The following ESF1 variants were observed in gnomAD, a reference collection of about 807,000 sequenced individuals.
The protein encoded by ESF1 is ESF1 nucleolar pre-rRNA processing protein.
A neutral mutation model predicts 92.0 loss-of-function variants in ESF1; 58 were observed. The observed-to-expected ratio is 0.63, with a 90% CI of 0.51 to 0.78. The LOEUF is 0.78. Among genes scored for constraint, ESF1 ranks in the 30% least tolerant of loss-of-function variants. ESF1 has a pLI of 0.00. For synonymous variants in ESF1, 321 were observed against 313.7 expected (o/e 1.02, Z -0.24); for missense variants, 922 against 989.1 (o/e 0.93, Z 0.91).
chr20:13,736,469 G>A (rs990132553), intron 9 of ESF1, among the ~76,000 whole-genome samples: 2 of 152,182 alleles, frequency 1.3e-5, no homozygotes, highest in African/African-American at 2.4e-5. Context: ...TTTCATCTGA[G>A]CAGTCCTTTC....
intron 6 of ESF1, among the ~76,000 whole-genome samples, chr20:13,770,318 T>C (rs541112210): frequency 8.3e-4 from 127 of 152,362 alleles, no homozygotes; most frequent in Non-Finnish European, 1.5e-3. Flanking sequence ...TGTGGGTCCC[T>C]CACGTTTCAA....
intron 7 of ESF1, among the ~76,000 whole-genome samples, chr20:13,769,471 G>GT (rs1418834998): frequency 1.3e-5 from 2 of 152,176 alleles, no homozygotes; most frequent in Non-Finnish European, 2.9e-5. Flanking sequence ...ATTTCTCTCT[G>GT]TACCCATGCA....
At chr20:13,731,518 C>T (rs955664036) in intron 10 of ESF1, among the ~76,000 whole-genome samples, 3 of 112,322 alleles carry the variant, frequency 2.7e-5, no homozygotes, top group Admixed American at 1.3e-4. Context: ...GGCGACAGAG[C>T]GAGACTCGGT....
chr20:13,741,915 C>T (rs866729282), intron 9 of ESF1, among the ~76,000 whole-genome samples: 19 of 152,146 alleles, frequency 1.2e-4, no homozygotes, highest in African/African-American at 3.6e-4. Flanking sequence ...TAAAAGCCAA[C>T]AGGAAAAGCA....
chr20:13,764,789 T>C (rs1171626046), intron 8 of ESF1, among the ~76,000 whole-genome samples: 1 of 152,086 alleles, frequency 6.6e-6, no homozygotes, highest in African/African-American at 2.4e-5. Flanking sequence ...GAAGAGGGGT[T>C]GGCCTTATAG....
Position 13,768,897 on chromosome 20 carries a change from C to CAAAA in ESF1, c.1518+1006_1518+1009dup, listed in dbSNP as rs574502122. On this transcript the variant is annotated intron_variant, in intron 7 of 13. Coordinates refer to ENST00000617257, the MANE Select transcript of ESF1 (RefSeq NM_001276380.2). ...GGGCGACAGAGCAAGACTCTAGTCT[C>CAAAA]AAAAAAAAAAAAAAAAGAAAGAAAG... 1.4e-3 allele frequency among the ~76,000 whole-genome samples: 80 copies of CAAAA among 58,678 alleles called. 12 individuals are homozygous for CAAAA. Among genetic ancestry groups the CAAAA allele is most frequent in the African/African-American group, 2.9e-3 (43 of 14,872 alleles). The allele number at this position is 58,678 out of a possible 152,430, so 38.5% of individuals were successfully genotyped here.
At chr20:13,777,775 G>C (rs546223389) in intron 2 of ESF1, among the ~76,000 whole-genome samples, 1 of 145,026 alleles carries the variant, frequency 6.9e-6, no homozygotes, top group East Asian at 2.1e-4. Context: ...TATATCTTAC[G>C]TGTTTTACTC....
At chr20:13,770,136 G>A (rs180689862) in intron 6 of ESF1, 115 bp from the exon 7 acceptor site, 265 of 604,998 alleles carry the variant, frequency 4.4e-4, no homozygotes, top group Non-Finnish European at 6.6e-4. Flanking sequence ...AAAGACACAC[G>A]TTTAAGAGAC....
Position 13,782,782 on chromosome 20 carries a change from G to T in ESF1, c.359C>A (p.Ala120Asp). ...LVEKKKETKK[A>D]NHKGSENKTD... ...TTTATTTTCAGAACCCTTGTGATTA[G>T]CCTTCTTGGTTTCTTTCTTTTTCTC... Residue 120 changes from alanine to aspartate, a missense_variant, in exon 2 of 14, where the codon GCT (alanine) becomes GAT (aspartate). Physicochemically the swap from Ala to Asp is moderately radical, Grantham distance 126. Transcript: ENST00000617257. 1.2e-6 allele frequency: 2 copies of T among 1,604,230 alleles called. No individual in the cohort carries two copies. The highest frequency in any genetic ancestry group is 1.7e-6 in the Non-Finnish European group (2 of 1,177,868).
intron 10 of ESF1, among the ~76,000 whole-genome samples, chr20:13,729,591 G>A (rs2049927935): frequency 2.0e-5 from 3 of 152,176 alleles, no homozygotes; most frequent in Admixed American, 6.5e-5. Context: ...ACTTGAAGTA[G>A]TGCACTGTGA....
At chr20:13,764,694 T>G (rs555439080) in intron 8 of ESF1, among the ~76,000 whole-genome samples, 12 of 152,090 alleles carry the variant, frequency 7.9e-5, no homozygotes, top group African/African-American at 2.9e-4. Context: ...TAAATATATT[T>G]CCCACGCATT....
intron 1 of ESF1, among the ~76,000 whole-genome samples, chr20:13,784,671 C>G (rs1439466940): frequency 2.0e-5 from 3 of 152,054 alleles, no homozygotes; most frequent in Non-Finnish European, 4.4e-5. Flanking sequence ...CGCAGGGGGG[C>G]AGCTAACAGA....
chr20:13,740,118 CA>C (rs2050002089), intron 9 of ESF1, among the ~76,000 whole-genome samples: 2 of 152,126 alleles, frequency 1.3e-5, no homozygotes, highest in African/African-American at 4.8e-5. Context: ...TAATCCAATC[CA>C]AAAACTCAGC....
intron 2 of ESF1, among the ~76,000 whole-genome samples, chr20:13,781,843 T>C (rs1980204987): frequency 6.6e-6 from 1 of 152,154 alleles, no homozygotes; most frequent in South Asian, 2.1e-4. Context: ...TACCCTCTTA[T>C]TTTATTTTTG....
intron 11 of ESF1, among the ~76,000 whole-genome samples, chr20:13,725,568 T>C (rs1045213715): frequency 2.6e-5 from 4 of 152,184 alleles, no homozygotes; most frequent in African/African-American, 9.7e-5. Context: ...ACATTAATAC[T>C]GTTCCTCCTA....
intron 6 of ESF1, among the ~76,000 whole-genome samples, chr20:13,770,972 A>G (rs1979656238): frequency 6.6e-6 from 1 of 152,226 alleles, no homozygotes; most frequent in East Asian, 1.9e-4. Context: ...ATCTAGAGAT[A>G]ACAATCTGTT....
intron 4 of ESF1, among the ~76,000 whole-genome samples, chr20:13,773,729 C>T (rs1270544499): frequency 2.0e-5 from 3 of 152,166 alleles, no homozygotes; most frequent in Admixed American, 2.0e-4. Flanking sequence ...TGAGTTTTTA[C>T]ACTTGATCTT....
chr20:13,722,465 GA>G (rs1490687893), intron 11 of ESF1, among the ~76,000 whole-genome samples: 2 of 152,050 alleles, frequency 1.3e-5, no homozygotes, highest in African/African-American at 2.4e-5. Flanking sequence ...AAAAATTTCA[GA>G]CTTAAGTTAG....
chr20:13,743,263 T>C (rs1370541669), intron 9 of ESF1, among the ~76,000 whole-genome samples: 1 of 152,044 alleles, frequency 6.6e-6, no homozygotes, highest in Non-Finnish European at 1.5e-5. Context: ...CTGGTGAGGG[T>C]GTGTACACGG....
Sources: allele counts gnomAD v4.1 joint callset (sites outside exome capture counted in the v4.1 genomes callset), GRCh38; gene constraint gnomAD v4.1.1; transcripts MANE v1.5; gene names NCBI Gene and HGNC (gene_info 2026-07-23, HGNC 2026-07-21).